The following RGMA variants were observed in gnomAD, a reference collection of about 807,000 sequenced individuals.
RGMA encodes repulsive guidance molecule BMP co-receptor a, also known as repulsive guidance molecule A.
In RGMA, 10 loss-of-function variants were observed where a neutral mutation model predicts 23.2. The ratio of observed to expected loss-of-function variants is 0.43; its 90% CI spans 0.27 to 0.73. The LOEUF (loss-of-function observed/expected upper bound fraction) is 0.73. Among genes scored for constraint, RGMA ranks in the 30% least tolerant of loss-of-function variants. The pLI is 0.20. For missense variants in RGMA, 547 were observed against 630.5 expected (o/e 0.87, Z 1.42); for synonymous variants, 308 against 279.3 (o/e 1.10, Z -1.03).
At chr15:93,074,734 C>G (rs1895441535) in intron 1 of RGMA, among the ~76,000 whole-genome samples, 1 of 152,228 alleles carries the variant, frequency 6.6e-6, no homozygotes, top group South Asian at 2.1e-4. Flanking sequence ...AGTCCTGGGG[C>G]CCGACCCAAC....
rs1002849180 is a variant in RGMA, at chr15:93,073,028, C to T, written c.18G>A (p.Glu6=). The change falls in exon 2 of 4, where the codon GAG becomes GAA. Residue 6 remains glutamate (E), a synonymous_variant. Coordinates refer to ENST00000329082, the MANE Select transcript of RGMA (RefSeq NM_020211.3). The stretch of plus-strand genomic sequence containing the variant: ...CAGCTCGGCCTGTTACCACTAGCCT[C>T]TCCCTGGAAGAAGAGTTCAGAAAAA... MQPPR[E]RLVVTGRAGW... 5.6e-6 allele frequency: 9 copies of T among 1,595,220 alleles called. No homozygotes were observed. In the Admixed American group the frequency reaches 1.2e-4, roughly 21 times the overall value.
chr15:93,071,749 C>T (rs753460897), intron 2 of RGMA, among the ~76,000 whole-genome samples: 3 of 152,236 alleles, frequency 2.0e-5, no homozygotes, highest in Admixed American at 6.5e-5. Flanking sequence ...GGCGGAAGAG[C>T]AAATCAAAAT....
intron 2 of RGMA, among the ~76,000 whole-genome samples, chr15:93,061,329 T>G (rs1401282218): frequency 6.6e-6 from 1 of 152,164 alleles, no homozygotes; most frequent in Non-Finnish European, 1.5e-5. Context: ...AATTTTTATT[T>G]CAGTAGAGAT....
chr15:93,061,293 A>G (rs1894955473), intron 2 of RGMA, among the ~76,000 whole-genome samples: 1 of 152,222 alleles, frequency 6.6e-6, no homozygotes, highest in Admixed American at 6.5e-5. Context: ...AGCTGGGATT[A>G]CAGGCACCCG....
rs2054668167 is a variant in RGMA at position 93,036,978 on chromosome 15, G to C, written c.*8020C>G. 2.0e-5 allele frequency: 3 copies of C among 152,238 alleles called. No individual in the cohort carries two copies. The South Asian group carries it at 6.2e-4, about 32-fold the overall frequency. The allele number at this position is 152,238 out of a possible 1,614,324, so 9.4% of individuals were successfully genotyped here. ...GACGTGGTGTCCAGAGGACGACAAA[G>C]ATGGCAGCTCACCATGCACGTGGAC... On this transcript the variant is annotated 3_prime_UTR_variant, in exon 4 of 4. Transcript: ENST00000329082.
intron 1 of RGMA, chr15:93,073,674 T>C (rs2091635): frequency 0.048 from 73,036 of 1,537,138 alleles, 6,847 homozygotes; most frequent in African/African-American, 0.4. Context: ...CCGAGTTGTC[T>C]AGGTCTGGGC....
Position 93,041,532 on chromosome 15 carries a change from T to A in RGMA, c.*3466A>T, listed in dbSNP as rs910560884. ...GAATTCCAGCCGGTTACATTTAGGG[T>A]CCTGGAAAAAAAATTCCAAACCAAG... is the stretch of plus-strand genomic sequence containing the variant. On this transcript the variant is annotated 3_prime_UTR_variant, in exon 4 of 4. Coordinates refer to ENST00000329082, the MANE Select transcript of RGMA (RefSeq NM_020211.3). 3.3e-5 allele frequency: 5 copies of A among 152,118 alleles called. No individual in the cohort carries two copies. The highest frequency in any genetic ancestry group is 7.4e-5 in the Non-Finnish European group (5 of 68,006). The allele number at this position is 152,118 out of a possible 1,614,324, so 9.4% of individuals were successfully genotyped here. A position where few individuals can be genotyped will look rare whatever the true frequency, so the allele number is the denominator to read the frequency against.
At chr15:93,070,001 C>G (rs749611) in intron 2 of RGMA, among the ~76,000 whole-genome samples, 18,931 of 152,244 alleles carry the variant, frequency 0.12, 1,576 homozygotes, top group Middle Eastern at 0.26. Context: ...GCCTCCCTTC[C>G]TAGGTAGACG....
Position 93,039,089 on chromosome 15 carries a change from G to C in RGMA, c.*5909C>G, listed in dbSNP as rs1305739187. The C allele has an allele frequency of 6.6e-6, 1 of 152,344 alleles. No homozygotes were observed. Among genetic ancestry groups the C allele is most frequent in the African/African-American group, 2.4e-5 (1 of 41,566 alleles). The allele number at this position is 152,344 out of a possible 1,614,324, so 9.4% of individuals were successfully genotyped here. Reference sequence around the variant, plus strand: ...AGAGGAATGTGGAAGGGCTAGACTGGACGAGTCTTCTGGCCTTCATCTTTT... The same window carrying C: ...AGAGGAATGTGGAAGGGCTAGACTGCACGAGTCTTCTGGCCTTCATCTTTT... On this transcript the variant is annotated 3_prime_UTR_variant, in exon 4 of 4. Transcript: ENST00000329082.
chr15:93,046,703 T>G (rs2054829905), intron 3 of RGMA, among the ~76,000 whole-genome samples: 1 of 152,094 alleles, frequency 6.6e-6, no homozygotes, highest in Non-Finnish European at 1.5e-5. Flanking sequence ...CCAAGGCTGC[T>G]GAAAGGGGTC....
Position 93,089,155 on chromosome 15 carries a change from T to G in RGMA, c.-223A>C. 13 of 303,570 alleles carry G rather than the reference T, an allele frequency of 4.3e-5. No individual in the cohort carries two copies. Among genetic ancestry groups the G allele is most frequent in the Non-Finnish European group, 7.2e-5 (12 of 165,872 alleles). The allele number at this position is 303,570 out of a possible 1,614,324, so 18.8% of individuals were successfully genotyped here. On this transcript the variant is annotated 5_prime_UTR_variant, in exon 1 of 4. Coordinates refer to ENST00000329082, the MANE Select transcript of RGMA (RefSeq NM_020211.3). ...CGGCCCGGGAGCGAACGGCCAGTGC[T>G]TCCCCGGCCCAGCGGCTCGGGCGGC... is the stretch of plus-strand genomic sequence containing the variant.
intron 1 of RGMA, among the ~76,000 whole-genome samples, chr15:93,074,365 T>C (rs919623135): frequency 3.3e-5 from 5 of 151,032 alleles, no homozygotes; most frequent in Non-Finnish European, 7.4e-5. Flanking sequence ...AGGTCGGGAG[T>C]GTGGAGAGGA....
chr15:93,087,317 T>G (rs902535472), intron 1 of RGMA, among the ~76,000 whole-genome samples: 2 of 152,170 alleles, frequency 1.3e-5, no homozygotes, highest in African/African-American at 4.8e-5. Context: ...CGCCTGGATG[T>G]GTGGGTGCCC....
rs1167397397 is a variant in RGMA, at chr15:93,088,852, CG to C, written c.14+66del. On this transcript the variant is annotated intron_variant, in intron 1 of 3. Transcript: ENST00000329082. ...GAAGACCAAAGCAGCGCCGTGGCCCCGGCATGTGTCGGCGGCGCCTCGGAGA... is the reference window on the plus strand; with the variant it reads ...GAAGACCAAAGCAGCGCCGTGGCCCCGCATGTGTCGGCGGCGCCTCGGAGA... 3 of 1,402,610 alleles carry C rather than the reference CG, an allele frequency of 2.1e-6. No individual in the cohort carries two copies. In the African/African-American group the frequency reaches 4.5e-5, roughly 21 times the overall value. The allele number at this position is 1,402,610 out of a possible 1,614,324, so 86.9% of individuals were successfully genotyped here.
chr15:93,079,053 C>G (rs1322251326), intron 1 of RGMA, among the ~76,000 whole-genome samples: 1 of 152,252 alleles, frequency 6.6e-6, no homozygotes, highest in Non-Finnish European at 1.5e-5. Context: ...GCCATCTCTG[C>G]ATAGTCTTCA....
intron 2 of RGMA, among the ~76,000 whole-genome samples, chr15:93,072,022 G>A (rs1895342849): frequency 6.6e-6 from 1 of 152,222 alleles, no homozygotes; most frequent in Non-Finnish European, 1.5e-5. Context: ...TTCTGGCTGT[G>A]AGCAGCATAT....
In RGMA at chr15:93,039,042, C is replaced by A. The variant is rs187731221; in HGVS notation, c.*5956G>T. ...TGGGCACCATCTAATCACCTGCCAG[C>A]GAGGCTAGGATAAAAGCGGGCAGAG... is the stretch of plus-strand genomic sequence containing the variant. On this transcript the variant is annotated 3_prime_UTR_variant, in exon 4 of 4. Coordinates refer to ENST00000329082, the MANE Select transcript of RGMA (RefSeq NM_020211.3). The A allele has an allele frequency of 6.6e-6, 1 of 152,160 alleles. No individual in the cohort carries two copies. The highest frequency in any genetic ancestry group is 1.5e-5 in the Non-Finnish European group (1 of 68,028). 9.4% of individuals were successfully genotyped at this position (152,160 alleles called of 1,614,324 possible). A position where few individuals can be genotyped will look rare whatever the true frequency, so the allele number is the denominator to read the frequency against.
chr15:93,073,671 G>T, intron 1 of RGMA: 22 of 1,537,240 alleles, frequency 1.4e-5, no homozygotes, highest in Non-Finnish European at 1.9e-5. Flanking sequence ...CTTCCGAGTT[G>T]TCTAGGTCTG....
At chr15:93,085,206 TA>T (rs35749240) in intron 1 of RGMA, among the ~76,000 whole-genome samples, 46,510 of 151,988 alleles carry the variant, frequency 0.31, 7,381 homozygotes, top group Middle Eastern at 0.43. Flanking sequence ...ACCCTGATCT[TA>T]AGAGTCCATG....
Sources: allele counts gnomAD v4.1 joint callset (sites outside exome capture counted in the v4.1 genomes callset), GRCh38; gene constraint gnomAD v4.1.1; transcripts MANE v1.5; gene names NCBI Gene and HGNC (gene_info 2026-07-23, HGNC 2026-07-21).